DNAAF9: variants seen among roughly 807,000 people sequenced by gnomAD.
The protein encoded by DNAAF9 is shulin.
In DNAAF9, 90 loss-of-function variants were observed where a neutral mutation model predicts 167.0. The observed-to-expected ratio is 0.54, with a 90% CI of 0.45 to 0.64. The LOEUF is 0.64. Among genes scored for constraint, DNAAF9 ranks in the 30% least tolerant of loss-of-function variants. The probability of loss-of-function intolerance (pLI) is 0.00; values close to 1 mark genes in which losing one functional copy is unlikely to be tolerated. For synonymous variants in DNAAF9, 491 were observed against 508.8 expected, an observed-to-expected ratio of 0.96 and a Z score of 0.47; for missense variants, 1,315 against 1,442.2, an observed-to-expected ratio of 0.91 and a Z score of 1.43.
At chr20:3,295,380 T>G (rs2069051735) in intron 23 of DNAAF9, 1 of 201,250 alleles carries the variant, frequency 5.0e-6, no homozygotes, top group Non-Finnish European at 1.0e-5. Context: ...AGGTTTCACC[T>G]TGTTGGCCAG....
At chr20:3,351,903 C>A in intron 7 of DNAAF9, among the ~76,000 whole-genome samples, 1 of 151,898 alleles carries the variant, frequency 6.6e-6, no homozygotes, top group African/African-American at 2.4e-5. Context: ...GGCGTGATCT[C>A]AGTGGCATGA....
intron 6 of DNAAF9, among the ~76,000 whole-genome samples, chr20:3,370,727 A>G (rs6037580): frequency 0.2 from 30,867 of 152,054 alleles, 3,405 homozygotes; most frequent in African/African-American, 0.27. Context: ...TAATTTTTTT[A>G]AAATTTTTTT....
At chr20:3,376,724 T>C (rs2083580607) in intron 3 of DNAAF9, among the ~76,000 whole-genome samples, 1 of 152,200 alleles carries the variant, frequency 6.6e-6, no homozygotes, top group African/African-American at 2.4e-5. Flanking sequence ...ATTCAAAGAT[T>C]TTCTGACTGG....
chr20:3,376,383 C>G, intron 3 of DNAAF9, 81 bp from the exon 4 acceptor site: 1 of 1,109,782 alleles, frequency 9.0e-7, no homozygotes, highest in Non-Finnish European at 1.3e-6. Flanking sequence ...ATTAGTAAAA[C>G]CATTGAAACT....
chr20:3,350,124 G>GACACACAC, intron 7 of DNAAF9, among the ~76,000 whole-genome samples: 1 of 146,128 alleles, frequency 6.8e-6, no homozygotes, highest in Non-Finnish European at 1.5e-5. Flanking sequence ...CAGACTATCA[G>GACACACAC]ACACACAGAC....
intron 27 of DNAAF9, among the ~76,000 whole-genome samples, chr20:3,284,852 C>T (rs539533817): frequency 6.6e-6 from 1 of 151,916 alleles, no homozygotes; most frequent in South Asian, 2.1e-4. Context: ...TCCAGTTTTA[C>T]TTATATTTGT....
chr20:3,403,841 CA>C (rs767589230), intron 1 of DNAAF9, among the ~76,000 whole-genome samples: 9 of 152,106 alleles, frequency 5.9e-5, no homozygotes, highest in Admixed American at 3.3e-4. Context: ...TTTTTAGAGA[CA>C]GGGGTCTTGC....
chr20:3,288,893 C>G (rs1330899330), intron 26 of DNAAF9, among the ~76,000 whole-genome samples: 3 of 152,094 alleles, frequency 2.0e-5, no homozygotes, highest in Non-Finnish European at 4.4e-5. Flanking sequence ...ACCATCATGA[C>G]CCTGAATTTC....
At chr20:3,361,618 CAG>C in intron 6 of DNAAF9, among the ~76,000 whole-genome samples, 1 of 152,344 alleles carries the variant, frequency 6.6e-6, no homozygotes, top group Middle Eastern at 3.4e-3. Context: ...TCAATTTAAA[CAG>C]ACTTTCTTGA....
intron 4 of DNAAF9, among the ~76,000 whole-genome samples, chr20:3,375,933 AAAGTT>A: frequency 6.6e-6 from 1 of 152,170 alleles, no homozygotes; most frequent in Admixed American, 6.5e-5. Flanking sequence ...AAGCAGGCAA[AAAGTT>A]AAGTTCATAA....
chr20:3,373,987 G>A, intron 6 of DNAAF9, 61 bp downstream of exon 6: 1 of 1,025,020 alleles, frequency 9.8e-7, no homozygotes, highest in African/African-American at 1.6e-5. Context: ...ACTCACATGG[G>A]TTCTTCATAA....
At chr20:3,271,121 TA>T in intron 29 of DNAAF9, among the ~76,000 whole-genome samples, 1 of 152,254 alleles carries the variant, frequency 6.6e-6, no homozygotes, top group African/African-American at 2.4e-5. Flanking sequence ...CCTCCTCTAT[TA>T]TTTTAATTCT....
In DNAAF9 at chr20:3,287,733, G is replaced by C; in HGVS notation, c.2385C>G (p.Phe795Leu). The stretch of plus-strand genomic sequence containing the variant: ...CTAGGGCACTGGAAAGGTATCTCTG[G>C]AAGTGTGCAGCATGAAAACATTCAG... Reference protein sequence around the residue: ...DSSECFHAAHFQRYLSSALEA... With the variant: ...DSSECFHAAHLQRYLSSALEA... Residue 795 changes from phenylalanine to leucine, a missense_variant, in exon 27 of 37, where the codon TTC (phenylalanine) becomes TTG (leucine). By Grantham distance (22) the Phe-to-Leu change is conservative. Transcript: ENST00000252032. 1 of 1,614,192 alleles carries C rather than the reference G, an allele frequency of 6.2e-7. No individual in the cohort carries two copies. Among genetic ancestry groups the C allele is most frequent in the African/African-American group, 1.3e-5 (1 of 75,058 alleles).
chr20:3,376,693 C>T (rs2083580056), intron 3 of DNAAF9, among the ~76,000 whole-genome samples: 1 of 152,144 alleles, frequency 6.6e-6, no homozygotes, highest in African/African-American at 2.4e-5. Flanking sequence ...GTGAAAGGGT[C>T]CTTTCGTGTC....
At chr20:3,384,776 C>T (rs1463059798) in intron 1 of DNAAF9, among the ~76,000 whole-genome samples, 1 of 152,090 alleles carries the variant, frequency 6.6e-6, no homozygotes, top group Non-Finnish European at 1.5e-5. Flanking sequence ...GAATTTATCA[C>T]AGAGATACTC....
intron 29 of DNAAF9, among the ~76,000 whole-genome samples, chr20:3,273,110 C>T (rs776829158): frequency 5.9e-5 from 9 of 152,168 alleles, no homozygotes; most frequent in Non-Finnish European, 1.0e-4. Context: ...TGATTACAGA[C>T]GTGAGCCATC....
At chr20:3,260,247 G>A (rs2068358587) in intron 31 of DNAAF9, among the ~76,000 whole-genome samples, 1 of 152,044 alleles carries the variant, frequency 6.6e-6, no homozygotes, top group African/African-American at 2.4e-5. Context: ...GCTGAGGCAG[G>A]AGAATGGCGT....
intron 2 of DNAAF9, 32 bp from the exon 3 acceptor site, chr20:3,381,530 A>G: frequency 6.2e-7 from 1 of 1,606,118 alleles, no homozygotes; most frequent in Non-Finnish European, 8.5e-7. Flanking sequence ...GATCAGCTGT[A>G]CCATACTACA....
chr20:3,300,270 T>C (rs1055763653), intron 21 of DNAAF9, among the ~76,000 whole-genome samples: 2 of 146,798 alleles, frequency 1.4e-5, no homozygotes, highest in Non-Finnish European at 3.0e-5. Context: ...CTACAGATCA[T>C]GTTGGGCAGT....
Sources: gnomAD v4.1 joint callset for allele counts (sites outside exome capture counted in the v4.1 genomes callset) on GRCh38, gnomAD v4.1.1 for gene constraint, MANE v1.5 for transcripts, NCBI Gene and HGNC (gene_info 2026-07-23, HGNC 2026-07-21) for gene names.